The following RYR2 variants were observed in gnomAD, a reference collection of about 807,000 sequenced individuals.
The protein encoded by RYR2 is ryanodine receptor 2, also known as cardiac muscle ryanodine receptor-calcium release channel.
Under a neutral mutation model 601.1 loss-of-function variants are expected in RYR2, and 227 were observed. The observed-to-expected ratio is 0.38, with a 90% CI of 0.34 to 0.42. The LOEUF is 0.42. Among genes scored for constraint, RYR2 ranks in the 10% least tolerant of loss-of-function variants. The probability of loss-of-function intolerance (pLI) is 1.00; values close to 1 mark genes in which losing one functional copy is unlikely to be tolerated. For synonymous variants in RYR2, 2,223 were observed against 2,175.1 expected, an observed-to-expected ratio of 1.02 and a Z score of -0.61; for missense variants, 4,646 against 6,156.5, an observed-to-expected ratio of 0.75 and a Z score of 8.21.
intron 4 of RYR2, among the ~76,000 whole-genome samples, chr1:237,362,969 A>T (rs895597253): frequency 6.6e-6 from 1 of 152,024 alleles, no homozygotes; most frequent in Non-Finnish European, 1.5e-5. Flanking sequence ...CACTTGGCTG[A>T]CCACTCTTTT....
At chr1:237,389,249 T>G (rs1702183182) in intron 10 of RYR2, among the ~76,000 whole-genome samples, 1 of 152,118 alleles carries the variant, frequency 6.6e-6, no homozygotes, top group South Asian at 2.1e-4. Flanking sequence ...AAATATAAAC[T>G]TAAGAACTAG....
Position 237,257,317 on chromosome 1 carries a change from T to C in RYR2, c.49-13180T>C, listed in dbSNP as rs1165720397. 2.0e-5 allele frequency among the ~76,000 whole-genome samples: 3 copies of C among 152,186 alleles called. No individual in the cohort carries two copies. In the East Asian group the frequency reaches 5.8e-4, roughly 29 times the overall value. On this transcript the variant is annotated intron_variant, in intron 1 of 104. Coordinates refer to ENST00000366574, the MANE Select transcript of RYR2 (RefSeq NM_001035.3). ...CATAATAATAGTAATAGTAATTAACTCATAGAGCTCTTCATTTCTTAGCCA... is the reference window on the plus strand; with the variant it reads ...CATAATAATAGTAATAGTAATTAACCCATAGAGCTCTTCATTTCTTAGCCA...
chr1:237,790,367 A>G (rs1658226884), intron 92 of RYR2, among the ~76,000 whole-genome samples: 1 of 152,078 alleles, frequency 6.6e-6, no homozygotes, highest in Admixed American at 6.6e-5. Context: ...GGTACCATTA[A>G]GTCCAATCCA....
rs1675804948 is a variant in RYR2, at chr1:237,595,591, G to A, written c.4530G>A (p.Val1510=). The part of the protein sequence containing the change: ...RNNNGLEIGC[V]VDAASGLLTF... Reference sequence around the variant, plus strand: ...ATAATGGACTGGAGATTGGCTGTGTGGTGGATGCTGCCAGCGGGCTGCTCA... The same window carrying A: ...ATAATGGACTGGAGATTGGCTGTGTAGTGGATGCTGCCAGCGGGCTGCTCA... Residue 1510 remains valine (V), a synonymous_variant, in exon 34 of 105, where the codon GTG becomes GTA. Coordinates refer to ENST00000366574, the MANE Select transcript of RYR2 (RefSeq NM_001035.3). 6.2e-7 allele frequency: 1 copy of A among 1,613,358 alleles called. No homozygotes were observed.
intron 5 of RYR2, among the ~76,000 whole-genome samples, chr1:237,367,344 G>T (rs1483779988): frequency 6.6e-6 from 1 of 151,964 alleles, no homozygotes; most frequent in Non-Finnish European, 1.5e-5. Flanking sequence ...CACCTGTCTT[G>T]GTCTCCCAAA....
chr1:237,459,578 G>C lies in RYR2; in HGVS notation c.1612+2843G>C, dbSNP rs75094788. Among the ~76,000 whole-genome samples the C allele has an allele frequency of 3.5e-4, 54 of 152,248 alleles. 1 individual carries two copies. The East Asian group carries it at 9.8e-3, about 28-fold the overall frequency. On this transcript the variant is annotated intron_variant, in intron 16 of 104. Transcript: ENST00000366574. ...TCCCTTCAACAGGTATTGTATCCAT[G>C]AGTAGCAAAAATGAATAGAAGGAAT...
Position 237,566,753 on chromosome 1 carries a change from C to A in RYR2, c.3401C>A (p.Ala1134Asp), listed in dbSNP as rs1319844305. Residue 1134 changes from alanine (A) to aspartate (D), a missense_variant, in exon 28 of 105, where the codon GCC (alanine) becomes GAC (aspartate). By Grantham distance (126) the Ala-to-Asp change is moderately radical. Coordinates refer to ENST00000366574, the MANE Select transcript of RYR2 (RefSeq NM_001035.3). ...PDQELGSDERAFAFDGFKAQR... is the reference protein window; with the variant it reads ...PDQELGSDERDFAFDGFKAQR... ...CAGGAGCTTGGCTCAGATGAACGTG[C>A]CTTTGCCTTTGATGGCTTCAAGGTG... The A allele has an allele frequency of 1.2e-6, 2 of 1,613,978 alleles. No individual in the cohort carries two copies. Among genetic ancestry groups the A allele is most frequent in the Non-Finnish European group, 1.7e-6 (2 of 1,179,866 alleles).
At chr1:237,374,837 C>T (rs776675603) in intron 7 of RYR2, 42 bp downstream of exon 7, 1 of 1,502,640 alleles carries the variant, frequency 6.7e-7, no homozygotes, top group Non-Finnish European at 9.2e-7. Flanking sequence ...CAGAGAGAAC[C>T]CTGCAGGGGT....
At chr1:237,259,529 T>TAA (rs761380380) in intron 1 of RYR2, among the ~76,000 whole-genome samples, 1 of 33,928 alleles carries the variant, frequency 2.9e-5, no homozygotes. Context: ...CTAGACCATT[T>TAA]AAAAAAAAAA....
At chr1:237,616,364 A>C (rs754073519) in intron 37 of RYR2, among the ~76,000 whole-genome samples, 2 of 152,204 alleles carry the variant, frequency 1.3e-5, no homozygotes, top group Non-Finnish European at 2.9e-5. Flanking sequence ...TTTGGTTTTC[A>C]GTAGGAGAAA....
chr1:237,144,296 A>G (rs1465789641), intron 1 of RYR2, among the ~76,000 whole-genome samples: 1 of 152,210 alleles, frequency 6.6e-6, no homozygotes, highest in Non-Finnish European at 1.5e-5. Context: ...ACTCGACAGC[A>G]CTATTTGTTA....
chr1:237,091,042 G>A (rs889237564), intron 1 of RYR2, among the ~76,000 whole-genome samples: 1 of 152,178 alleles, frequency 6.6e-6, no homozygotes, highest in Non-Finnish European at 1.5e-5. Context: ...TGACATTTGT[G>A]TAGAGTAAGA....
chr1:237,719,771 C>T (rs959733937), intron 73 of RYR2, among the ~76,000 whole-genome samples: 2 of 151,682 alleles, frequency 1.3e-5, no homozygotes, highest in African/African-American at 4.9e-5. Context: ...GTCTCCAACA[C>T]TGAGGATTAC....
Position 237,614,238 on chromosome 1 carries a change from G to A in RYR2, c.5110G>A (p.Asp1704Asn). ...TGGTTTGCTGCGTGCTGGCTACTATGACCTGCTGATTGACATCCACCTGAG... is the reference window on the plus strand; with the variant it reads ...TGGTTTGCTGCGTGCTGGCTACTATAACCTGCTGATTGACATCCACCTGAG... ...MPGLLRAGYY[D>N]LLIDIHLSSY... The change falls in exon 37 of 105, where the codon GAC becomes AAC. Residue 1704 changes from aspartate (D) to asparagine (N), a missense_variant. Physicochemically the swap from Asp to Asn is conservative, Grantham distance 23. Around this residue, in one of 17 missense-constraint regions of RYR2, gnomAD observed 1,807 missense variants for 2,088.1 expected, o/e 0.87. Transcript: ENST00000366574. This position sits in a 1 kb window ranked among gnomAD's most constrained non-coding sequence, Gnocchi z 4.3. The A allele has an allele frequency of 6.2e-7, 1 of 1,614,034 alleles. No individual in the cohort carries two copies.
chr1:237,716,754 CCACA>C (rs72260792), intron 71 of RYR2, among the ~76,000 whole-genome samples: 77,232 of 148,300 alleles, frequency 0.52, 23,096 homozygotes, highest in Non-Finnish European at 0.68. Flanking sequence ...ATATATTAGA[CCACA>C]CACACACACA....
chr1:237,359,241 G>A (rs1166411828), intron 4 of RYR2, among the ~76,000 whole-genome samples: 10 of 152,110 alleles, frequency 6.6e-5, no homozygotes, highest in African/African-American at 2.4e-4. Context: ...ATACTAAAGT[G>A]TTGAATATCT....
intron 79 of RYR2, among the ~76,000 whole-genome samples, chr1:237,738,171 C>G (rs1691309075): frequency 6.6e-6 from 1 of 152,076 alleles, no homozygotes; most frequent in African/African-American, 2.4e-5. Flanking sequence ...TATGTGTCTT[C>G]CTCCACCACT....
intron 27 of RYR2, 85 bp downstream of exon 27, chr1:237,550,776 T>G: frequency 1.5e-6 from 2 of 1,376,386 alleles, no homozygotes; most frequent in Non-Finnish European, 9.7e-7. Context: ...AAAGGGGGAG[T>G]ACTGGATAGA....
At chr1:237,091,916 T>C (rs577872680) in intron 1 of RYR2, among the ~76,000 whole-genome samples, 26 of 152,296 alleles carry the variant, frequency 1.7e-4, no homozygotes, top group African/African-American at 5.5e-4. Flanking sequence ...GGTTCTTGGC[T>C]GAGAAGATGG....
Sources: gnomAD v4.1 joint callset for allele counts (sites outside exome capture counted in the v4.1 genomes callset) on GRCh38, gnomAD v4.1.1 for gene constraint, gnomAD v4.1.1 regional missense constraint, Gnocchi (gnomAD v3.1) non-coding constraint, MANE v1.5 for transcripts, NCBI Gene and HGNC (gene_info 2026-07-23, HGNC 2026-07-21) for gene names.